FHOD3: variants seen among roughly 807,000 people sequenced by gnomAD.
The protein encoded by FHOD3 is FH1/FH2 domain-containing protein 3.
FHOD3 carries 90 observed loss-of-function variants against 173.0 expected under a neutral mutation model. The observed-to-expected ratio is 0.52, with a 90% CI of 0.44 to 0.62. The LOEUF (loss-of-function observed/expected upper bound fraction) is 0.62, where lower values mean the gene tolerates loss of function less well. Ranked by LOEUF, FHOD3 falls within the 20% of genes least tolerant of loss-of-function variation. The probability of loss-of-function intolerance (pLI) is 0.00; values close to 1 mark genes in which losing one functional copy is unlikely to be tolerated. For missense variants in FHOD3, 1,945 were observed against 2,034.7 expected, an observed-to-expected ratio of 0.96 and a Z score of 0.85; for synonymous variants, 828 against 823.0, an observed-to-expected ratio of 1.01 and a Z score of -0.10.
At chr18:36,684,607 G>A (rs2038481064) in intron 15 of FHOD3, among the ~76,000 whole-genome samples, 1 of 152,076 alleles carries the variant, frequency 6.6e-6, no homozygotes, top group South Asian at 2.1e-4. Flanking sequence ...AGAAGAAAGT[G>A]AACTCATTGC....
intron 14 of FHOD3, among the ~76,000 whole-genome samples, chr18:36,663,306 CAGGA>C (rs1235818770): frequency 1.3e-5 from 2 of 152,180 alleles, no homozygotes; most frequent in African/African-American, 4.8e-5. Flanking sequence ...CAGATACTAA[CAGGA>C]AGGGAGGTTT....
chr18:36,578,221 C>G (rs1455748083), intron 6 of FHOD3, among the ~76,000 whole-genome samples: 1 of 152,318 alleles, frequency 6.6e-6, no homozygotes, highest in Non-Finnish European at 1.5e-5. Context: ...AATGGACTCA[C>G]AGTTCCACAT....
At chr18:36,616,445 C>A (rs79847275) in intron 9 of FHOD3, among the ~76,000 whole-genome samples, 1 of 152,146 alleles carries the variant, frequency 6.6e-6, no homozygotes, top group East Asian at 1.9e-4. Flanking sequence ...CACATTTTCT[C>A]TCCAGCCTAC....
At chr18:36,640,215 A>G (rs558412694) in intron 10 of FHOD3, among the ~76,000 whole-genome samples, 6 of 152,336 alleles carry the variant, frequency 3.9e-5, no homozygotes, top group African/African-American at 1.4e-4. Flanking sequence ...GGTTCTCACC[A>G]TGGAAACATC....
At chr18:36,569,240 T>G (rs2058374294) in intron 5 of FHOD3, among the ~76,000 whole-genome samples, 1 of 151,998 alleles carries the variant, frequency 6.6e-6, no homozygotes, top group South Asian at 2.1e-4. Context: ...AGAAACCCAC[T>G]TATAATGCTA....
intron 10 of FHOD3, 35 bp downstream of exon 10, chr18:36,625,784 G>C: frequency 6.5e-7 from 1 of 1,542,584 alleles, no homozygotes; most frequent in Non-Finnish European, 8.8e-7. Context: ...AGGGGTGCAA[G>C]GATGCCATCC....
At chr18:36,682,655 T>G (rs1287132509) in intron 15 of FHOD3, among the ~76,000 whole-genome samples, 1 of 152,184 alleles carries the variant, frequency 6.6e-6, no homozygotes, top group African/African-American at 2.4e-5. Context: ...CAATCTTGGC[T>G]CCCAGCAACC....
At chr18:36,390,583 C>A (rs147155184) in intron 3 of FHOD3, among the ~76,000 whole-genome samples, 245 of 152,224 alleles carry the variant, frequency 1.6e-3, no homozygotes, top group African/African-American at 5.7e-3. Flanking sequence ...TCAGAAAACA[C>A]TTTTTTTGAA....
intron 5 of FHOD3, among the ~76,000 whole-genome samples, chr18:36,548,789 A>G (rs2057521066): frequency 6.6e-6 from 1 of 152,200 alleles, no homozygotes; most frequent in African/African-American, 2.4e-5. Context: ...GTAGCTTTCC[A>G]TCATCTGGAT....
At chr18:36,521,738 C>T (rs1369145122) in intron 5 of FHOD3, among the ~76,000 whole-genome samples, 1 of 152,136 alleles carries the variant, frequency 6.6e-6, no homozygotes, top group Non-Finnish European at 1.5e-5. Flanking sequence ...ATCTGTTCTC[C>T]TTAGTCCTTG....
chr18:36,618,466 C>A (rs1290068970), intron 9 of FHOD3, among the ~76,000 whole-genome samples: 1 of 151,900 alleles, frequency 6.6e-6, no homozygotes, highest in Non-Finnish European at 1.5e-5. Context: ...GTGTGCGCCA[C>A]CATGCCTGGC....
chr18:36,655,169 G>A (rs1483748295), intron 13 of FHOD3, among the ~76,000 whole-genome samples: 2 of 148,030 alleles, frequency 1.4e-5, no homozygotes, highest in African/African-American at 5.0e-5. Context: ...CAGGATTGTT[G>A]TTATCTTTCA....
intron 3 of FHOD3, among the ~76,000 whole-genome samples, chr18:36,423,939 A>T (rs1294721165): frequency 6.6e-6 from 1 of 152,224 alleles, no homozygotes; most frequent in African/African-American, 2.4e-5. Flanking sequence ...TGATTGACAT[A>T]TTAGGGGACA....
At chr18:36,299,087 C>A (rs1464796160) in intron 1 of FHOD3, among the ~76,000 whole-genome samples, 4 of 152,098 alleles carry the variant, frequency 2.6e-5, no homozygotes, top group African/African-American at 9.7e-5. Flanking sequence ...ATGATGTTGA[C>A]CTGCTTTGCA....
intron 5 of FHOD3, among the ~76,000 whole-genome samples, chr18:36,541,749 A>G (rs912587443): frequency 1.3e-5 from 2 of 152,164 alleles, no homozygotes; most frequent in Non-Finnish European, 2.9e-5. Context: ...ATAACCTTTT[A>G]AAAGTTCAAC....
intron 3 of FHOD3, among the ~76,000 whole-genome samples, chr18:36,489,722 T>C (rs1170512471): frequency 2.0e-5 from 3 of 152,166 alleles, no homozygotes; most frequent in African/African-American, 7.2e-5. Context: ...TACGTGAGTC[T>C]TGAGAAAATA....
At position 36,355,573 on chromosome 18, in the gene FHOD3, G is replaced by A. The variant is rs1323240658; in HGVS notation, c.200G>A (p.Gly67Asp). The change falls in exon 2 of 29, where the codon GGC (glycine) becomes GAC (aspartate). Residue 67 changes from glycine (G) to aspartate (D), a missense_variant. Gly to Asp is a moderately conservative substitution (Grantham distance 94, BLOSUM62 -1). Coordinates refer to ENST00000590592, the MANE Select transcript of FHOD3 (RefSeq NM_001281740.3). Reference sequence around the variant, plus strand: ...TGTACTCTGCAGCTCTCTCACAATGGCGCCTACCTGGATTTGGAGGCCACC... The same window carrying A: ...TGTACTCTGCAGCTCTCTCACAATGACGCCTACCTGGATTTGGAGGCCACC... ...DDCTLQLSHN[G>D]AYLDLEATLA... 4 of 1,613,992 alleles carry A rather than the reference G, an allele frequency of 2.5e-6. No individual in the cohort carries two copies. Among genetic ancestry groups the A allele is most frequent in the Non-Finnish European group, 3.4e-6 (4 of 1,179,996 alleles).
intron 3 of FHOD3, among the ~76,000 whole-genome samples, chr18:36,449,084 T>A (rs1241234867): frequency 6.6e-6 from 1 of 152,146 alleles, no homozygotes; most frequent in Admixed American, 6.5e-5. Flanking sequence ...GAAAAATACA[T>A]GGTTTTAACC....
intron 5 of FHOD3, among the ~76,000 whole-genome samples, chr18:36,567,570 A>T (rs2058309479): frequency 6.6e-6 from 1 of 152,266 alleles, no homozygotes; most frequent in African/African-American, 2.4e-5. Context: ...AAATTCAAGG[A>T]TAAAATAGAG....
Sources: allele counts gnomAD v4.1 joint callset (sites outside exome capture counted in the v4.1 genomes callset), GRCh38; gene constraint gnomAD v4.1.1; transcripts MANE v1.5; gene names NCBI Gene and HGNC (gene_info 2026-07-23, HGNC 2026-07-21).